Variants in SCN8A observed in about 807,000 individuals in gnomAD.
SCN8A encodes sodium voltage-gated channel alpha subunit 8, also known as sodium channel protein type 8 subunit alpha.
Under a neutral mutation model 184.1 loss-of-function variants are expected in SCN8A, and 30 were observed. That is an observed-to-expected ratio of 0.16 (90% CI 0.12 to 0.22). SCN8A has a LOEUF of 0.22. Among genes scored for constraint, SCN8A ranks in the 10% least tolerant of loss-of-function variants. The pLI is 1.00. For synonymous variants in SCN8A, 852 were observed against 907.0 expected (o/e 0.94, Z 1.09); for missense variants, 1,057 against 2,498.9 (o/e 0.42, Z 12.30).
intron 19 of SCN8A, among the ~76,000 whole-genome samples, chr12:51,773,605 C>T (rs778247894): frequency 7.2e-5 from 11 of 152,148 alleles, no homozygotes; most frequent in Non-Finnish European, 1.6e-4. Context: ...TTGGCAGTTC[C>T]TCAAAAAATT....
chr12:51,641,158 C>G (rs1940444825), intron 1 of SCN8A, among the ~76,000 whole-genome samples: 1 of 152,188 alleles, frequency 6.6e-6, no homozygotes, highest in Admixed American at 6.5e-5. Flanking sequence ...CAACTACTTA[C>G]ATAGCATTTA....
intron 11 of SCN8A, chr12:51,712,835 C>A (rs1941902605): frequency 1.6e-6 from 2 of 1,282,100 alleles, no homozygotes; most frequent in Middle Eastern, 1.8e-4. Flanking sequence ...CCATAACTAC[C>A]TCTGCTGCCA....
At chr12:51,782,453 A>T (rs1264601534) in intron 21 of SCN8A, among the ~76,000 whole-genome samples, 4 of 152,254 alleles carry the variant, frequency 2.6e-5, no homozygotes, top group Non-Finnish European at 5.9e-5. Context: ...TAAAGTTGAT[A>T]ATCCACTTTG....
At chr12:51,773,461 G>T (rs930703958) in intron 19 of SCN8A, among the ~76,000 whole-genome samples, 2 of 152,244 alleles carry the variant, frequency 1.3e-5, no homozygotes, top group Non-Finnish European at 2.9e-5. Flanking sequence ...CCATACTGTG[G>T]TGTCAAGGAA....
At chr12:51,604,350 CT>C (rs1205210197) in intron 1 of SCN8A, among the ~76,000 whole-genome samples, 1 of 151,224 alleles carries the variant, frequency 6.6e-6, no homozygotes, top group Admixed American at 6.6e-5. Context: ...TGATTTTGGA[CT>C]TTTGTCAAAA....
intron 26 of SCN8A, among the ~76,000 whole-genome samples, chr12:51,795,317 G>A (rs1357935861): frequency 1.3e-5 from 2 of 152,196 alleles, no homozygotes; most frequent in Non-Finnish European, 2.9e-5. Context: ...AAGTGTGGGG[G>A]GATGATGTCC....
intron 1 of SCN8A, among the ~76,000 whole-genome samples, chr12:51,600,222 A>G (rs1024419427): frequency 2.0e-4 from 30 of 152,194 alleles, no homozygotes; most frequent in African/African-American, 6.8e-4. Flanking sequence ...CTGTCCATTC[A>G]TAGACACTTA....
At chr12:51,703,383 A>G (rs1017876064) in intron 9 of SCN8A, among the ~76,000 whole-genome samples, 1 of 152,088 alleles carries the variant, frequency 6.6e-6, no homozygotes, top group African/African-American at 2.4e-5. Context: ...GCCTCAAGTG[A>G]TCCTCCCACT....
At chr12:51,752,142 A>T (rs982385784) in intron 14 of SCN8A, among the ~76,000 whole-genome samples, 13 of 152,000 alleles carry the variant, frequency 8.6e-5, no homozygotes, top group African/African-American at 3.1e-4. Context: ...ATGTAGTTTT[A>T]AAAAAAATAG....
chr12:51,637,984 C>T (rs1271413644), intron 1 of SCN8A, among the ~76,000 whole-genome samples: 2 of 152,094 alleles, frequency 1.3e-5, no homozygotes, highest in African/African-American at 2.4e-5. Flanking sequence ...TGGAAGCCAG[C>T]GCTTATTTAC....
chr12:51,808,038 G>A lies in SCN8A; in HGVS notation c.*609G>A, dbSNP rs1412083990. 9 of 166,538 alleles carry A rather than the reference G, an allele frequency of 5.4e-5. No individual in the cohort carries two copies. The South Asian group carries it at 5.7e-4, about 11-fold the overall frequency. The allele number at this position is 166,538 out of a possible 1,614,324, so 10.3% of individuals were successfully genotyped here. A position where few individuals can be genotyped will look rare whatever the true frequency, so the allele number is the denominator to read the frequency against. ...AGGCTGAGGAGGACTTGCTCAGGCC[G>A]ATTCCAAACATTGTGCTCGTTCAAT... On this transcript the variant is annotated 3_prime_UTR_variant, in exon 27 of 27. Coordinates refer to ENST00000627620, the MANE Select transcript of SCN8A (RefSeq NM_001330260.2).
chr12:51,656,649 G>A (rs146703119), intron 1 of SCN8A, among the ~76,000 whole-genome samples: 2 of 152,220 alleles, frequency 1.3e-5, no homozygotes, highest in East Asian at 3.9e-4. Flanking sequence ...CTTCACAAAG[G>A]AGGATGTCTA....
At chr12:51,661,572 G>C (rs1380817667) in intron 1 of SCN8A, among the ~76,000 whole-genome samples, 2 of 152,100 alleles carry the variant, frequency 1.3e-5, no homozygotes, top group Non-Finnish European at 2.9e-5. Flanking sequence ...TAGTTGCCTT[G>C]AAGTGGACCT....
rs549659460 is a variant in SCN8A, at chr12:51,620,688, T to TA, written c.-55+29340dup. Among the ~76,000 whole-genome samples the TA allele has an allele frequency of 2.3e-3, 333 of 144,332 alleles. 1 individual carries two copies. The highest frequency in any genetic ancestry group is 7.1e-3 in the Middle Eastern group (2 of 280). 94.7% of individuals were successfully genotyped at this position (144,332 alleles called of 152,430 possible). On this transcript the variant is annotated intron_variant, in intron 1 of 26. Transcript: ENST00000627620. ...GAACCTGTTCCACATCAGCTAGACT[T>TA]AAAAAAAAAAAGAAAAAAACTATGT...
At chr12:51,712,968 C>T (rs2138763463) in intron 11 of SCN8A, 1 of 1,591,588 alleles carries the variant, frequency 6.3e-7, no homozygotes, top group Non-Finnish European at 8.6e-7. Flanking sequence ...CACGACCTGT[C>T]CGTGATCCAG....
chr12:51,765,751 G>A lies in SCN8A; in HGVS notation c.2625G>A (p.Leu875=). 1 of 1,613,620 alleles carries A rather than the reference G, an allele frequency of 6.2e-7. No individual in the cohort carries two copies. The highest frequency in any genetic ancestry group is 1.1e-5 in the South Asian group (1 of 91,062). ...TTATTGGAAATTCAGTGGGTGCCCT[G>A]GGCAACCTGACACTGGTGCTGGCCA... The part of the protein sequence containing the change: ...IKIIGNSVGA[L]GNLTLVLAII... Residue 875 remains leucine (L), a synonymous_variant, in exon 16 of 27, where the codon CTG becomes CTA. Coordinates refer to ENST00000627620, the MANE Select transcript of SCN8A (RefSeq NM_001330260.2).
At chr12:51,726,884 A>T (rs1373554388) in intron 12 of SCN8A, among the ~76,000 whole-genome samples, 1 of 152,212 alleles carries the variant, frequency 6.6e-6, no homozygotes, top group Non-Finnish European at 1.5e-5. Flanking sequence ...CAATTATTTT[A>T]AAGCAAAACA....
chr12:51,801,760 G>A (rs943866646), intron 26 of SCN8A, among the ~76,000 whole-genome samples: 1 of 152,040 alleles, frequency 6.6e-6, no homozygotes, highest in Non-Finnish European at 1.5e-5. Context: ...ATACAAATTA[G>A]AGAACTCCAG....
chr12:51,630,547 AT>A (rs1940176559), intron 1 of SCN8A, among the ~76,000 whole-genome samples: 1 of 152,012 alleles, frequency 6.6e-6, no homozygotes, highest in Non-Finnish European at 1.5e-5. Flanking sequence ...ATCTTTGGCT[AT>A]TGTGAATGAT....
Sources: gnomAD v4.1 joint callset for allele counts (sites outside exome capture counted in the v4.1 genomes callset) on GRCh38, gnomAD v4.1.1 for gene constraint, MANE v1.5 for transcripts, NCBI Gene and HGNC (gene_info 2026-07-23, HGNC 2026-07-21) for gene names.